The following PRKN variants were observed in gnomAD, a reference collection of about 807,000 sequenced individuals.
PRKN encodes parkin RBR E3 ubiquitin protein ligase.
PRKN carries 56 observed loss-of-function variants against 59.5 expected under a neutral mutation model. The observed-to-expected ratio is 0.94, with a 90% CI of 0.76 to 1.18. PRKN has a LOEUF of 1.18. Ranked by LOEUF, PRKN falls within the 50% of genes most tolerant of loss-of-function variation. The probability of loss-of-function intolerance (pLI) is 0.00; values close to 1 mark genes in which losing one functional copy is unlikely to be tolerated. For synonymous variants in PRKN, 250 were observed against 222.1 expected (o/e 1.13, Z -1.12); for missense variants, 657 against 596.4 (o/e 1.10, Z -1.06).
chr6:161,696,405 T>C (rs908284807), intron 7 of PRKN, among the ~76,000 whole-genome samples: 5 of 152,222 alleles, frequency 3.3e-5, no homozygotes, highest in African/African-American at 1.2e-4. Context: ...TTTACTTAAA[T>C]GCCCCACTAC....
intron 7 of PRKN, among the ~76,000 whole-genome samples, chr6:161,624,014 C>T (rs772149971): frequency 2.3e-4 from 35 of 152,308 alleles, no homozygotes; most frequent in African/African-American, 7.0e-4. Context: ...GGAAGGAAGT[C>T]TTACTATGAA....
At chr6:161,762,036 G>C (rs965075064) in intron 7 of PRKN, among the ~76,000 whole-genome samples, 1 of 152,166 alleles carries the variant, frequency 6.6e-6, no homozygotes, top group African/African-American at 2.4e-5. Context: ...GCATTCTCCA[G>C]TTGGCATAGA....
At chr6:161,853,925 C>T (rs977755371) in intron 6 of PRKN, among the ~76,000 whole-genome samples, 1 of 151,910 alleles carries the variant, frequency 6.6e-6, no homozygotes. Flanking sequence ...ACTATGACAA[C>T]GAACACAAAA....
At chr6:161,491,425 CAAAG>C (rs1012919928) in intron 9 of PRKN, among the ~76,000 whole-genome samples, 5 of 152,118 alleles carry the variant, frequency 3.3e-5, no homozygotes, top group African/African-American at 1.2e-4. Context: ...CTTGTTAGTC[CAAAG>C]GGAGAGGGAG....
intron 6 of PRKN, among the ~76,000 whole-genome samples, chr6:161,881,515 A>G (rs569309970): frequency 5.3e-5 from 8 of 152,312 alleles, no homozygotes; most frequent in African/African-American, 1.7e-4. Context: ...TCCCACTGCA[A>G]ATATGCATTC....
At chr6:162,028,523 G>A (rs1783521820) in intron 5 of PRKN, among the ~76,000 whole-genome samples, 1 of 152,198 alleles carries the variant, frequency 6.6e-6, no homozygotes, top group Non-Finnish European at 1.5e-5. Flanking sequence ...AAACTTCCGG[G>A]CACGGAAATC....
intron 7 of PRKN, among the ~76,000 whole-genome samples, chr6:161,751,430 T>C (rs73015248): frequency 0.027 from 4,078 of 152,344 alleles, 78 homozygotes; most frequent in Middle Eastern, 0.051. Flanking sequence ...TAGCTTGGTT[T>C]GTTATCTTGC....
At chr6:161,814,791 C>T (rs1231250871) in intron 6 of PRKN, among the ~76,000 whole-genome samples, 8 of 152,126 alleles carry the variant, frequency 5.3e-5, no homozygotes, top group African/African-American at 9.7e-5. Context: ...CATGAGTAAC[C>T]GCGCCCAGCC....
In PRKN at chr6:161,372,658, C is replaced by T. The variant is rs532001938; in HGVS notation, c.1168-12453G>A. Among the ~76,000 whole-genome samples the T allele has an allele frequency of 6.6e-6, 1 of 152,052 alleles. No homozygotes were observed. Among genetic ancestry groups the T allele is most frequent in the Non-Finnish European group, 1.5e-5 (1 of 68,008 alleles). ...CCGGAAGCGCTTGTGCTGTGGCTCC[C>T]CCACTACCCCTCTGGGTCTGAATCC... On this transcript the variant is annotated intron_variant, in intron 10 of 11. Transcript: ENST00000366898. This position sits in a 1 kb window ranked among gnomAD's most constrained non-coding sequence, Gnocchi z 4.2.
intron 1 of PRKN, among the ~76,000 whole-genome samples, chr6:162,472,241 C>T (rs924297455): frequency 1.3e-5 from 2 of 151,690 alleles, no homozygotes; most frequent in Non-Finnish European, 2.9e-5. Context: ...TTCTAGGGTA[C>T]ATGGGCACAA....
rs567580932 is a variant in PRKN, at chr6:162,711,094, C to T, written c.7+16568G>A. Among the ~76,000 whole-genome samples, 50 of 152,272 alleles carry T rather than the reference C, an allele frequency of 3.3e-4. No individual in the cohort carries two copies. The South Asian group carries it at 4.1e-3, about 13-fold the overall frequency. ...CTGACAGTTTGATGAAGCTAAAAGC[C>T]GATGGTGGTCTCTGACCAGCAGCAG... On this transcript the variant is annotated intron_variant, in intron 1 of 11. Transcript: ENST00000366898.
intron 5 of PRKN, among the ~76,000 whole-genome samples, chr6:162,020,901 G>A (rs1162860105): frequency 5.3e-5 from 8 of 151,564 alleles, no homozygotes; most frequent in Non-Finnish European, 8.8e-5. Flanking sequence ...TCAGGACTTC[G>A]AGATCAGCCT....
chr6:161,765,285 C>T (rs1436890398), intron 7 of PRKN, among the ~76,000 whole-genome samples: 1 of 152,088 alleles, frequency 6.6e-6, no homozygotes, highest in African/African-American at 2.4e-5. Flanking sequence ...TCTCTGAACC[C>T]GGGTTTTCTA....
chr6:161,531,727 G>A (rs1779220503), intron 9 of PRKN, among the ~76,000 whole-genome samples: 1 of 152,072 alleles, frequency 6.6e-6, no homozygotes, highest in African/African-American at 2.4e-5. Flanking sequence ...GAGTCAGGGT[G>A]CTCTGAAAAA....
At position 161,626,547 on chromosome 6, in the gene PRKN, G is replaced by A. The variant is rs575016857; in HGVS notation, c.872-57131C>T. On this transcript the variant is annotated intron_variant, in intron 7 of 11. Transcript: ENST00000366898. ...TTGCCAGACTGAAAGAACACGGAGC[G>A]TGTCTGGAGGATGCCGGCAAAGCTG... Among the ~76,000 whole-genome samples the A allele has an allele frequency of 2.0e-4, 31 of 152,350 alleles. No individual in the cohort carries two copies. The East Asian group carries it at 2.1e-3, about 10-fold the overall frequency.
intron 6 of PRKN, among the ~76,000 whole-genome samples, chr6:161,900,234 G>A (rs1777837263): frequency 1.3e-5 from 2 of 151,274 alleles, no homozygotes; most frequent in Non-Finnish European, 2.9e-5. Context: ...GGAACTGATA[G>A]CATGTAAATT....
chr6:161,659,256 C>T (rs1195037873), intron 7 of PRKN, among the ~76,000 whole-genome samples: 9 of 152,182 alleles, frequency 5.9e-5, no homozygotes, highest in Non-Finnish European at 7.3e-5. Flanking sequence ...AGAGCATATA[C>T]GCTGTGTCAC....
At chr6:162,057,095 G>A (rs983245548) in intron 4 of PRKN, among the ~76,000 whole-genome samples, 2 of 152,096 alleles carry the variant, frequency 1.3e-5, no homozygotes, top group Non-Finnish European at 2.9e-5. Context: ...AGGACATGAC[G>A]ACATAGGATT....
intron 4 of PRKN, among the ~76,000 whole-genome samples, chr6:162,125,057 A>T (rs1354036592): frequency 3.9e-5 from 6 of 152,104 alleles, no homozygotes; most frequent in African/African-American, 1.4e-4. Context: ...AAAGTGAGGA[A>T]TTCTCTCAAA....
Sources: gnomAD v4.1 joint callset for allele counts (sites outside exome capture counted in the v4.1 genomes callset) on GRCh38, gnomAD v4.1.1 for gene constraint, Gnocchi (gnomAD v3.1) non-coding constraint, MANE v1.5 for transcripts, NCBI Gene and HGNC (gene_info 2026-07-23, HGNC 2026-07-21) for gene names.